The following PLGRKT variants were observed in gnomAD, a reference collection of about 807,000 sequenced individuals.
PLGRKT encodes the protein plasminogen receptor (KT).
A neutral mutation model predicts 18.5 loss-of-function variants in PLGRKT; 22 were observed. The observed-to-expected ratio is 1.19, with a 90% CI of 0.85 to 1.70. The LOEUF (loss-of-function observed/expected upper bound fraction) is 1.70, where lower values mean the gene tolerates loss of function less well. Among genes scored for constraint, PLGRKT ranks in the 40% most tolerant of loss-of-function variants. The probability of loss-of-function intolerance (pLI) is 0.00; values close to 1 mark genes in which losing one functional copy is unlikely to be tolerated. For synonymous variants in PLGRKT, 72 were observed against 52.8 expected (o/e 1.36, Z -1.58); for missense variants, 235 against 174.4 (o/e 1.35, Z -1.96).
At chr9:5,397,022 AGAGT>A (rs900229489) in intron 3 of PLGRKT, among the ~76,000 whole-genome samples, 2 of 152,040 alleles carry the variant, frequency 1.3e-5, no homozygotes, top group African/African-American at 4.8e-5. Context: ...TTTGAAAATC[AGAGT>A]TTTAACCAAA....
chr9:5,364,805 C>T (rs1250091175), intron 3 of PLGRKT, among the ~76,000 whole-genome samples: 2 of 152,058 alleles, frequency 1.3e-5, no homozygotes, highest in Non-Finnish European at 2.9e-5. Context: ...ATGGTGGAAG[C>T]CAGGTTTCTT....
chr9:5,378,743 T>C (rs2131089404), intron 3 of PLGRKT, among the ~76,000 whole-genome samples: 2 of 152,236 alleles, frequency 1.3e-5, no homozygotes, highest in East Asian at 3.9e-4. Flanking sequence ...AGCAAAACTG[T>C]TGGGAATACA....
chr9:5,367,803 T>C (rs184896609), intron 3 of PLGRKT, among the ~76,000 whole-genome samples: 195 of 151,846 alleles, frequency 1.3e-3, no homozygotes, highest in African/African-American at 4.6e-3. Context: ...GAGTAAACAA[T>C]TTACAGAATG....
chr9:5,371,973 A>G (rs1369899124), intron 3 of PLGRKT, among the ~76,000 whole-genome samples: 3 of 97,076 alleles, frequency 3.1e-5, no homozygotes, highest in African/African-American at 8.6e-5. Flanking sequence ...GCAAAAAACA[A>G]TATCAGAAAA....
At chr9:5,405,204 T>C (rs981291726) in intron 3 of PLGRKT, among the ~76,000 whole-genome samples, 27 of 152,184 alleles carry the variant, frequency 1.8e-4, no homozygotes, top group African/African-American at 6.3e-4. Context: ...ATAGATTCAG[T>C]GCTACTCCCA....
intron 3 of PLGRKT, 65 bp from the exon 4 acceptor site, chr9:5,361,953 ATC>A: frequency 6.8e-7 from 1 of 1,472,656 alleles, no homozygotes; most frequent in Non-Finnish European, 9.3e-7. Flanking sequence ...ATAGTTAATA[ATC>A]TGTTTTTCCA....
At chr9:5,384,939 A>G (rs1817814179) in intron 3 of PLGRKT, among the ~76,000 whole-genome samples, 3 of 152,160 alleles carry the variant, frequency 2.0e-5, no homozygotes, top group Admixed American at 1.3e-4. Flanking sequence ...TTCCTCTGAT[A>G]TTTGGTATTG....
At chr9:5,367,275 C>T (rs901859713) in intron 3 of PLGRKT, among the ~76,000 whole-genome samples, 1 of 152,036 alleles carries the variant, frequency 6.6e-6, no homozygotes, top group Non-Finnish European at 1.5e-5. Context: ...CAAAAAAAGT[C>T]CAAATAGATA....
At chr9:5,385,051 CA>C (rs1817816314) in intron 3 of PLGRKT, among the ~76,000 whole-genome samples, 1 of 151,880 alleles carries the variant, frequency 6.6e-6, no homozygotes, top group Non-Finnish European at 1.5e-5. Context: ...TGGGTGGGGC[CA>C]GGGGAGGGCA....
At chr9:5,390,251 A>ATG (rs1490746055) in intron 3 of PLGRKT, among the ~76,000 whole-genome samples, 1 of 150,990 alleles carries the variant, frequency 6.6e-6, no homozygotes, top group Non-Finnish European at 1.5e-5. Flanking sequence ...GTATATATAT[A>ATG]TATATATTTG....
chr9:5,358,169 T>TA lies in PLGRKT; in HGVS notation c.*69dup, dbSNP rs1817179084. 2 of 1,165,352 alleles carry TA rather than the reference T, an allele frequency of 1.7e-6. No homozygotes were observed. Among genetic ancestry groups the TA allele is most frequent in the Non-Finnish European group, 1.2e-6 (1 of 818,682 alleles). 72.2% of individuals were successfully genotyped at this position (1,165,352 alleles called of 1,614,324 possible). A position where few individuals can be genotyped will look rare whatever the true frequency, so the allele number is the denominator to read the frequency against. ...CTATAATATCAAAATCTTGAGCATT[T>TA]AAAAAACTGTAAAAACCATGATTCA... On this transcript the variant is annotated 3_prime_UTR_variant, in exon 6 of 6. Coordinates refer to ENST00000223864, the MANE Select transcript of PLGRKT (RefSeq NM_018465.4).
rs886519185 is a variant in PLGRKT at position 5,436,555 on chromosome 9, G to C, written c.-7+14C>G. The stretch of plus-strand genomic sequence containing the variant: ...GAAAGAAACACTGTCTGGGAAGTTA[G>C]TATTTAGATTTACCTCTTTCTGGGC... On this transcript the variant is annotated intron_variant, in intron 2 of 5. Transcript: ENST00000223864. 1 of 152,284 alleles carries C rather than the reference G, an allele frequency of 6.6e-6. No individual in the cohort carries two copies. Among genetic ancestry groups the C allele is most frequent in the African/African-American group, 2.4e-5 (1 of 41,440 alleles). The allele number at this position is 152,284 out of a possible 1,614,324, so 9.4% of individuals were successfully genotyped here. A position where few individuals can be genotyped will look rare whatever the true frequency, so the allele number is the denominator to read the frequency against.
rs370923467 is a variant in PLGRKT, at chr9:5,434,555, C to T, written c.-7+2014G>A. ...GTCTGGGAGGTGGGGAGCGCCTCTG[C>T]CCAGCCGCCCCGTCTGGGAAGTGGG... On this transcript the variant is annotated intron_variant, in intron 2 of 5. Coordinates refer to ENST00000223864, the MANE Select transcript of PLGRKT (RefSeq NM_018465.4). 1.7e-4 allele frequency among the ~76,000 whole-genome samples: 26 copies of T among 149,708 alleles called. 1 individual carries two copies. The highest frequency in any genetic ancestry group is 5.7e-4 in the African/African-American group (23 of 40,144).
At chr9:5,417,924 C>T (rs1459027652) in intron 3 of PLGRKT, among the ~76,000 whole-genome samples, 1 of 152,206 alleles carries the variant, frequency 6.6e-6, no homozygotes, top group African/African-American at 2.4e-5. Context: ...GAAGCCAGCA[C>T]TGCATGTCTT....
chr9:5,424,825 G>A lies in PLGRKT; in HGVS notation c.81+7072C>T, dbSNP rs1453917927. 2.0e-5 allele frequency among the ~76,000 whole-genome samples: 3 copies of A among 150,336 alleles called. No homozygotes were observed. The Admixed American group carries it at 2.0e-4, about 10-fold the overall frequency. On this transcript the variant is annotated intron_variant, in intron 3 of 5. Transcript: ENST00000223864. ...CCTCCCAAGTAGCACGAGCCACCAC[G>A]CCTGACTCATCTTTCGTGTTGTTTT...
chr9:5,409,274 G>A (rs2131140366), intron 3 of PLGRKT, among the ~76,000 whole-genome samples: 1 of 151,818 alleles, frequency 6.6e-6, no homozygotes, highest in South Asian at 2.1e-4. Flanking sequence ...GGTTGGGGAA[G>A]GCAGATCTAC....
intron 3 of PLGRKT, among the ~76,000 whole-genome samples, chr9:5,429,915 C>T (rs946083231): frequency 6.6e-6 from 1 of 152,150 alleles, no homozygotes; most frequent in Admixed American, 6.5e-5. Flanking sequence ...TGGGGTGGGT[C>T]AACCAGGACA....
In PLGRKT at chr9:5,424,681, T is replaced by C. The variant is rs1023854512; in HGVS notation, c.81+7216A>G. ...TAATTATATATTTTATATATATATATATATATATATACACACAGGGGGGGG... is the reference window on the plus strand; with the variant it reads ...TAATTATATATTTTATATATATATACATATATATATACACACAGGGGGGGG... On this transcript the variant is annotated intron_variant, in intron 3 of 5. Coordinates refer to ENST00000223864, the MANE Select transcript of PLGRKT (RefSeq NM_018465.4). Among the ~76,000 whole-genome samples, 15 of 105,996 alleles carry C rather than the reference T, an allele frequency of 1.4e-4. No individual in the cohort carries two copies. In the South Asian group the frequency reaches 2.8e-3, roughly 20 times the overall value. The allele number at this position is 105,996 out of a possible 152,430, so 69.5% of individuals were successfully genotyped here.
chr9:5,410,009 C>T (rs554306956), intron 3 of PLGRKT, among the ~76,000 whole-genome samples: 34 of 152,070 alleles, frequency 2.2e-4, no homozygotes, highest in African/African-American at 7.0e-4. Flanking sequence ...CCCTAGAAAC[C>T]AAGCATATAA....
Sources: gnomAD v4.1 joint callset for allele counts (sites outside exome capture counted in the v4.1 genomes callset) on GRCh38, gnomAD v4.1.1 for gene constraint, MANE v1.5 for transcripts, NCBI Gene and HGNC (gene_info 2026-07-23, HGNC 2026-07-21) for gene names.